The following IQCH variants were observed in gnomAD, a reference collection of about 807,000 sequenced individuals.
IQCH encodes IQ domain-containing protein H.
Under a neutral mutation model 117.0 loss-of-function variants are expected in IQCH, and 98 were observed. That is an observed-to-expected ratio of 0.84 (90% CI 0.71 to 0.99). The LOEUF (loss-of-function observed/expected upper bound fraction) is 0.99. Ranked by LOEUF, IQCH falls within the 50% of genes least tolerant of loss-of-function variation. The probability of loss-of-function intolerance (pLI) is 0.00; values close to 1 mark genes in which losing one functional copy is unlikely to be tolerated. For synonymous variants in IQCH, 412 were observed against 448.2 expected (o/e 0.92, Z 1.02); for missense variants, 1,102 against 1,243.8 (o/e 0.89, Z 1.72).
chr15:67,328,327 G>A (rs8030620), intron 4 of IQCH, among the ~76,000 whole-genome samples: 31,503 of 151,874 alleles, frequency 0.21, 4,019 homozygotes, highest in East Asian at 0.47. Context: ...GCTCCTTCCC[G>A]GAAAGTCTTA....
intron 1 of IQCH, 75 bp downstream of exon 1, chr15:67,255,022 A>C (rs999039916): frequency 7.2e-7 from 1 of 1,396,264 alleles, no homozygotes; most frequent in Non-Finnish European, 1.0e-6. Context: ...GCGCCGATTC[A>C]CCGACGCTCA....
intron 16 of IQCH, among the ~76,000 whole-genome samples, chr15:67,464,519 T>C (rs1393313819): frequency 6.6e-6 from 1 of 152,190 alleles, no homozygotes; most frequent in African/African-American, 2.4e-5. Context: ...GGATAAGGTG[T>C]TATCACCAAT....
chr15:67,436,254 G>A lies in IQCH; in HGVS notation c.2505+14677G>A, dbSNP rs1021090743. On this transcript the variant is annotated intron_variant, in intron 16 of 20. Transcript: ENST00000335894. The surrounding 1 kb of genome is among the most constrained non-coding windows in gnomAD (Gnocchi z 5.1). ...CAAATACTGTGAGTGCCCCAACTGC[G>A]GAAGTAGGAAAGGGAGACCCTCCTC... Among the ~76,000 whole-genome samples the A allele has an allele frequency of 5.9e-5, 9 of 152,126 alleles. No homozygotes were observed. The highest frequency in any genetic ancestry group is 9.7e-5 in the African/African-American group (4 of 41,434).
chr15:67,309,359 A>T (rs1967470864), intron 4 of IQCH, among the ~76,000 whole-genome samples: 3 of 152,026 alleles, frequency 2.0e-5, no homozygotes, highest in Admixed American at 1.3e-4. Flanking sequence ...ATTTTACATG[A>T]TTATGCTTTC....
chr15:67,303,503 A>G (rs1177268507), intron 4 of IQCH, among the ~76,000 whole-genome samples: 3 of 152,168 alleles, frequency 2.0e-5, no homozygotes, highest in Non-Finnish European at 2.9e-5. Flanking sequence ...TACGTGCCAA[A>G]TTATTTTTTA....
chr15:67,307,396 C>G (rs1211582890), intron 4 of IQCH, among the ~76,000 whole-genome samples: 6 of 151,054 alleles, frequency 4.0e-5, no homozygotes, highest in Non-Finnish European at 7.4e-5. Flanking sequence ...ATAGTAATCT[C>G]TCTCTCACTG....
At chr15:67,373,140 TC>T (rs746921521) in intron 9 of IQCH, among the ~76,000 whole-genome samples, 3 of 152,228 alleles carry the variant, frequency 2.0e-5, no homozygotes, top group Non-Finnish European at 4.4e-5. Context: ...TCTCTTTTTT[TC>T]ATTCATATTC....
chr15:67,338,216 T>TATCC (rs1380116852), intron 5 of IQCH, among the ~76,000 whole-genome samples: 3 of 131,640 alleles, frequency 2.3e-5, no homozygotes, highest in Non-Finnish European at 5.0e-5. Context: ...TCTATCTATC[T>TATCC]ATCTATCTAT....
In IQCH at chr15:67,261,351, A is replaced by G. The variant is rs757150654; in HGVS notation, c.131A>G (p.Gln44Arg). 4 of 1,592,548 alleles carry G rather than the reference A, an allele frequency of 2.5e-6. No individual in the cohort carries two copies. In the South Asian group the frequency reaches 4.6e-5, roughly 18 times the overall value. ...GAAAAAGGAGAGACTCTAGACATTC[A>G]GAGTCTTGAAACAGCAATCAAAAGG... is the stretch of plus-strand genomic sequence containing the variant. ...PEEKGETLDI[Q>R]SLETAIKRTE... The change falls in exon 2 of 21, where the codon CAG becomes CGG. Residue 44 changes from glutamine (Q) to arginine (R), a missense_variant. Gln to Arg is a conservative substitution (Grantham distance 43). This residue lies in a region of IQCH where 452 missense variants were observed against 449.6 expected (regional missense o/e 1.01). Coordinates refer to ENST00000335894, the MANE Select transcript of IQCH (RefSeq NM_001031715.3).
At chr15:67,281,581 T>G (rs1966358479) in intron 4 of IQCH, 1 of 397,700 alleles carries the variant, frequency 2.5e-6, no homozygotes, top group East Asian at 7.3e-5. Context: ...ATGGCAAATG[T>G]TTCTTTTCAG....
intron 1 of IQCH, among the ~76,000 whole-genome samples, chr15:67,255,901 C>T (rs1965160722): frequency 6.6e-6 from 1 of 152,116 alleles, no homozygotes; most frequent in Admixed American, 6.5e-5. Flanking sequence ...CTTTTCTCAC[C>T]CTCACTTTCA....
intron 18 of IQCH, among the ~76,000 whole-genome samples, chr15:67,478,552 A>AAAGAG (rs1183832493): frequency 2.0e-5 from 3 of 152,188 alleles, no homozygotes; most frequent in Non-Finnish European, 4.4e-5. Context: ...CAAAGAAGAA[A>AAAGAG]AAGATAAGAG....
intron 13 of IQCH, among the ~76,000 whole-genome samples, chr15:67,398,207 A>T (rs1001446662): frequency 9.2e-5 from 14 of 152,152 alleles, no homozygotes; most frequent in Non-Finnish European, 4.4e-5. Flanking sequence ...TAAAAAATCT[A>T]TGCCAGAACA....
chr15:67,342,487 C>T lies in IQCH; in HGVS notation c.509-1576C>T, dbSNP rs1234102624. Among the ~76,000 whole-genome samples, 1 of 152,092 alleles carries T rather than the reference C, an allele frequency of 6.6e-6. No homozygotes were observed. Among genetic ancestry groups the T allele is most frequent in the Non-Finnish European group, 1.5e-5 (1 of 68,010 alleles). ...CCAGCACTAAAGCAAGGGTTGAAATCGTGCTTATAGTCTTCAGAATTCTCA... is the reference window on the plus strand; with the variant it reads ...CCAGCACTAAAGCAAGGGTTGAAATTGTGCTTATAGTCTTCAGAATTCTCA... On this transcript the variant is annotated intron_variant, in intron 5 of 20. Transcript: ENST00000335894. This position sits in a 1 kb window ranked among gnomAD's most constrained non-coding sequence, Gnocchi z 4.7.
chr15:67,323,724 A>G lies in IQCH; in HGVS notation c.388-13251A>G, dbSNP rs572717267. The stretch of plus-strand genomic sequence containing the variant: ...TCACATAAAATGTAAGGAATTTGCA[A>G]CTATTGACCTCCCAATTTTTTGTGC... On this transcript the variant is annotated intron_variant, in intron 4 of 20. Coordinates refer to ENST00000335894, the MANE Select transcript of IQCH (RefSeq NM_001031715.3). 9.9e-5 allele frequency among the ~76,000 whole-genome samples: 15 copies of G among 152,194 alleles called. No homozygotes were observed. The South Asian group carries it at 2.9e-3, about 29-fold the overall frequency.
chr15:67,460,845 C>CAGTG (rs1469528035), intron 16 of IQCH, among the ~76,000 whole-genome samples: 3 of 152,194 alleles, frequency 2.0e-5, no homozygotes, highest in Admixed American at 6.5e-5. Context: ...CCCTAACCTT[C>CAGTG]AGTGATATTT....
At chr15:67,439,748 C>T (rs868655141) in intron 16 of IQCH, among the ~76,000 whole-genome samples, 8 of 151,850 alleles carry the variant, frequency 5.3e-5, no homozygotes, top group Middle Eastern at 3.4e-3. Flanking sequence ...AATAGCTGGG[C>T]GTGATGATGC....
chr15:67,303,109 T>C (rs1346955226), intron 4 of IQCH, among the ~76,000 whole-genome samples: 2 of 152,164 alleles, frequency 1.3e-5, no homozygotes, highest in African/African-American at 4.8e-5. Flanking sequence ...CAGATCACCC[T>C]CAAAACTAAG....
intron 4 of IQCH, among the ~76,000 whole-genome samples, chr15:67,331,041 G>A (rs1385932741): frequency 1.3e-5 from 2 of 152,184 alleles, no homozygotes; most frequent in Non-Finnish European, 2.9e-5. Context: ...AATGGGAGAG[G>A]AGATTCTACA....
Sources: gnomAD v4.1 joint callset for allele counts (sites outside exome capture counted in the v4.1 genomes callset) on GRCh38, gnomAD v4.1.1 for gene constraint, gnomAD v4.1.1 regional missense constraint, Gnocchi (gnomAD v3.1) non-coding constraint, MANE v1.5 for transcripts, NCBI Gene and HGNC (gene_info 2026-07-23, HGNC 2026-07-21) for gene names.